NVL: variants seen among roughly 807,000 people sequenced by gnomAD.
NVL encodes nuclear VCP like.
In NVL, 84 loss-of-function variants were observed where a neutral mutation model predicts 110.2. The ratio of observed to expected loss-of-function variants is 0.76; its 90% confidence interval spans 0.64 to 0.91. NVL has a LOEUF of 0.91. Among genes scored for constraint, NVL ranks in the 40% least tolerant of loss-of-function variants. The probability of loss-of-function intolerance (pLI) is 0.00; values close to 1 mark genes in which losing one functional copy is unlikely to be tolerated. For synonymous variants in NVL, 354 were observed against 361.1 expected, an observed-to-expected ratio of 0.98 and a Z score of 0.22; for missense variants, 882 against 1,035.9, an observed-to-expected ratio of 0.85 and a Z score of 2.04.
intron 22 of NVL, among the ~76,000 whole-genome samples, chr1:224,229,872 C>T (rs1475118917): frequency 1.3e-5 from 2 of 152,122 alleles, no homozygotes. Flanking sequence ...CGTTCTGTAA[C>T]CGAGGCTGGA....
intron 18 of NVL, among the ~76,000 whole-genome samples, chr1:224,254,900 C>T (rs1234658427): frequency 3.8e-5 from 5 of 130,702 alleles, no homozygotes; most frequent in Non-Finnish European, 6.3e-5. Flanking sequence ...TTTTTTGAGA[C>T]GGAGTCTCTG....
At chr1:224,304,154 T>C (rs534369214) in intron 8 of NVL, among the ~76,000 whole-genome samples, 4 of 152,248 alleles carry the variant, frequency 2.6e-5, no homozygotes, top group South Asian at 2.1e-4. Context: ...CGGCCAGGCA[T>C]GGTGGCTCAC....
chr1:224,325,881 G>A (rs1194855153), intron 2 of NVL, among the ~76,000 whole-genome samples: 1 of 152,088 alleles, frequency 6.6e-6, no homozygotes, highest in Non-Finnish European at 1.5e-5. Context: ...TGACCTCCTG[G>A]GCTCAAGTGA....
At chr1:224,311,880 G>A (rs1445576140) in intron 4 of NVL, 23 bp from the exon 5 acceptor site, 9 of 1,584,192 alleles carry the variant, frequency 5.7e-6, no homozygotes, top group African/African-American at 1.3e-5. Flanking sequence ...AGGGAAAAAT[G>A]TTTTAAAGAC....
intron 22 of NVL, 37 bp downstream of exon 22, chr1:224,231,189 A>T: frequency 7.1e-7 from 1 of 1,413,242 alleles, no homozygotes; most frequent in Non-Finnish European, 1.0e-6. Context: ...CTAAAATTCT[A>T]GTTTCCTTTC....
chr1:224,290,486 G>A (rs531126527), intron 12 of NVL, among the ~76,000 whole-genome samples: 155 of 152,028 alleles, frequency 1.0e-3, no homozygotes, highest in African/African-American at 3.5e-3. Flanking sequence ...GCAAAATCCC[G>A]TCTCTACTAA....
In NVL at chr1:224,304,985, T is replaced by C. The variant is rs758929208; in HGVS notation, c.748+49A>G. The C allele has an allele frequency of 6.2e-6, 10 of 1,600,836 alleles. No homozygotes were observed. The Admixed American group carries it at 6.9e-5, about 11-fold the overall frequency. On this transcript the variant is annotated intron_variant, in intron 7 of 22. Transcript: ENST00000281701. ...AAATAGCTTGGGACAGAATGATGCT[T>C]CTCTCACTGCAAACATGACCACTGC...
intron 17 of NVL, among the ~76,000 whole-genome samples, chr1:224,273,027 C>A (rs1665310692): frequency 8.0e-6 from 1 of 124,900 alleles, no homozygotes. Context: ...GAGCGAGACT[C>A]CGTCTCAAAA....
intron 15 of NVL, among the ~76,000 whole-genome samples, chr1:224,284,400 G>C (rs1441792830): frequency 6.6e-6 from 1 of 151,316 alleles, no homozygotes; most frequent in African/African-American, 2.4e-5. Context: ...TTTTGAGACA[G>C]AGTCTTACTC....
intron 6 of NVL, chr1:224,305,454 A>C: frequency 4.0e-6 from 1 of 249,044 alleles, no homozygotes. Context: ...CAAGGATGAC[A>C]TGGAAATTTG....
rs1670514677 is a variant in NVL, at chr1:224,320,308, T to G, written c.132-2378A>C. Among the ~76,000 whole-genome samples the G allele has an allele frequency of 2.0e-5, 3 of 152,290 alleles. No homozygotes were observed. In the South Asian group the frequency reaches 6.2e-4, roughly 32 times the overall value. On this transcript the variant is annotated intron_variant, in intron 2 of 22. Coordinates refer to ENST00000281701, the MANE Select transcript of NVL (RefSeq NM_002533.4). The stretch of plus-strand genomic sequence containing the variant: ...TGCATGGATAAAGGGACATTCTAGG[T>G]AGAGTATATGGGTGTTCTTTGTACT...
At position 224,304,830 on chromosome 1, in the gene NVL, G is replaced by A. The variant is rs1668762433; in HGVS notation, c.749-18C>T. On this transcript the variant is annotated intron_variant, in intron 7 of 22. Transcript: ENST00000281701. ...GGCTTTAGCTGGTAAACAAAAATGA[G>A]GAGATGAAAAGATTAATGATTCAGT... 3.1e-6 allele frequency: 5 copies of A among 1,606,324 alleles called. No individual in the cohort carries two copies. The African/African-American group carries it at 4.0e-5, about 13-fold the overall frequency.
intron 16 of NVL, among the ~76,000 whole-genome samples, chr1:224,277,106 A>T (rs1665851438): frequency 6.6e-6 from 1 of 151,956 alleles, no homozygotes; most frequent in African/African-American, 2.4e-5. Context: ...TACCTTCACT[A>T]TATTATATTA....
chr1:224,256,943 A>G (rs1663334014), intron 18 of NVL: 2 of 456,394 alleles, frequency 4.4e-6, no homozygotes, highest in East Asian at 6.9e-5. Context: ...ATCCACAGCT[A>G]TCACCCGGCT....
chr1:224,229,378 T>C (rs577418982), intron 22 of NVL, among the ~76,000 whole-genome samples: 2 of 152,238 alleles, frequency 1.3e-5, no homozygotes, highest in South Asian at 2.1e-4. Context: ...TTGCCAATAT[T>C]TTAAATTTTA....
chr1:224,310,660 T>C (rs1669422371), intron 5 of NVL, among the ~76,000 whole-genome samples: 1 of 152,208 alleles, frequency 6.6e-6, no homozygotes, highest in Non-Finnish European at 1.5e-5. Flanking sequence ...AAGTCTCTTA[T>C]TCTATTCCCT....
chr1:224,316,632 C>T (rs1283052198), intron 4 of NVL, among the ~76,000 whole-genome samples: 2 of 136,816 alleles, frequency 1.5e-5, no homozygotes, highest in South Asian at 2.3e-4. Flanking sequence ...GATCGCACTC[C>T]AGCCTGGGTG....
At chr1:224,285,827 A>G (rs1229625172) in intron 15 of NVL, among the ~76,000 whole-genome samples, 199 bp downstream of exon 15, 1 of 152,222 alleles carries the variant, frequency 6.6e-6, no homozygotes, top group Non-Finnish European at 1.5e-5. Flanking sequence ...TATGGTTGAT[A>G]TAAACATTTT....
chr1:224,321,516 A>C (rs1670639406), intron 2 of NVL, among the ~76,000 whole-genome samples: 1 of 152,236 alleles, frequency 6.6e-6, no homozygotes, highest in South Asian at 2.1e-4. Context: ...CAAGAGTTCA[A>C]GACCAGACTG....
Sources: allele counts gnomAD v4.1 joint callset (sites outside exome capture counted in the v4.1 genomes callset), GRCh38; gene constraint gnomAD v4.1.1; transcripts MANE v1.5; gene names NCBI Gene and HGNC (gene_info 2026-07-23, HGNC 2026-07-21).